CACNG2: variants seen among roughly 807,000 people sequenced by gnomAD.
CACNG2 encodes voltage-dependent calcium channel gamma-2 subunit.
CACNG2 carries 3 observed loss-of-function variants against 25.9 expected under a neutral mutation model. The observed-to-expected ratio is 0.12, with a 90% CI of 0.05 to 0.30. CACNG2 has a LOEUF of 0.30. CACNG2 is among the 10% of genes least tolerant of loss of function. The pLI is 1.00. For synonymous variants in CACNG2, 167 were observed against 173.3 expected (o/e 0.96, Z 0.29); for missense variants, 341 against 432.5 (o/e 0.79, Z 1.88).
intron 1 of CACNG2, among the ~76,000 whole-genome samples, chr22:36,658,237 A>G (rs1936737539): frequency 6.6e-6 from 1 of 152,184 alleles, no homozygotes; most frequent in African/African-American, 2.4e-5. Context: ...TAGAGGGAAA[A>G]TACCCTAGTC....
At chr22:36,635,215 C>T (rs570681411) in intron 1 of CACNG2, among the ~76,000 whole-genome samples, 8 of 149,228 alleles carry the variant, frequency 5.4e-5, no homozygotes, top group East Asian at 4.0e-4. Flanking sequence ...ACCCGGGAGG[C>T]GGAGCTTGCA....
intron 1 of CACNG2, among the ~76,000 whole-genome samples, chr22:36,591,972 C>T (rs960316472): frequency 4.6e-5 from 7 of 151,880 alleles, no homozygotes; most frequent in African/African-American, 9.7e-5. Flanking sequence ...GGAAGGGAAG[C>T]GAGAGTGGGA....
At chr22:36,697,309 A>T (rs1937353165) in intron 1 of CACNG2, among the ~76,000 whole-genome samples, 1 of 152,162 alleles carries the variant, frequency 6.6e-6, no homozygotes, top group African/African-American at 2.4e-5. Context: ...GCTTCTTGAG[A>T]TGCTCAGGTT....
intron 1 of CACNG2, among the ~76,000 whole-genome samples, chr22:36,682,208 G>A (rs1222769506): frequency 1.3e-5 from 2 of 152,202 alleles, no homozygotes; most frequent in South Asian, 4.1e-4. Flanking sequence ...GCCCTTGCAG[G>A]AGTGAAGCCA....
intron 1 of CACNG2, among the ~76,000 whole-genome samples, chr22:36,618,124 C>T (rs1936049133): frequency 6.6e-6 from 1 of 152,196 alleles, no homozygotes; most frequent in Non-Finnish European, 1.5e-5. Context: ...TTCCAGGACT[C>T]TGGGTCCAGG....
intron 2 of CACNG2, among the ~76,000 whole-genome samples, chr22:36,571,703 C>A (rs1163961256): frequency 6.6e-6 from 1 of 151,708 alleles, no homozygotes; most frequent in African/African-American, 2.4e-5. Context: ...ATGATGAAAC[C>A]TCGTCTCTAC....
intron 1 of CACNG2, among the ~76,000 whole-genome samples, chr22:36,699,653 G>A (rs1345014386): frequency 7.4e-6 from 1 of 134,432 alleles, no homozygotes; most frequent in African/African-American, 3.0e-5. Flanking sequence ...AAGGGGTGGG[G>A]GGTGGGGGGA....
chr22:36,664,174 G>GC (rs1936840287), intron 1 of CACNG2, among the ~76,000 whole-genome samples: 1 of 44 alleles, frequency 0.023, no homozygotes, highest in African/African-American at 0.25. Flanking sequence ...ATAGGGGAGA[G>GC]AACATAACTG....
At chr22:36,691,339 G>A (rs761620166) in intron 1 of CACNG2, among the ~76,000 whole-genome samples, 2 of 152,050 alleles carry the variant, frequency 1.3e-5, no homozygotes, top group South Asian at 2.1e-4. Flanking sequence ...ATTCACTTCC[G>A]CACCTTCACA....
intron 1 of CACNG2, among the ~76,000 whole-genome samples, chr22:36,669,605 T>C (rs150578690): frequency 6.6e-6 from 1 of 152,000 alleles, no homozygotes; most frequent in East Asian, 1.9e-4. Context: ...TTCTCAGTGA[T>C]TGTGTGTTTG....
intron 1 of CACNG2, among the ~76,000 whole-genome samples, chr22:36,597,884 T>C (rs1489563806): frequency 1.3e-5 from 2 of 152,220 alleles, no homozygotes; most frequent in Non-Finnish European, 2.9e-5. Flanking sequence ...AAGCACCTTT[T>C]AGCTGCTTTG....
chr22:36,639,159 C>T (rs1936404573), intron 1 of CACNG2, among the ~76,000 whole-genome samples: 1 of 152,234 alleles, frequency 6.6e-6, no homozygotes, highest in African/African-American at 2.4e-5. Flanking sequence ...CACTTCACTT[C>T]TCTGAGCTCT....
chr22:36,662,323 C>T (rs551876938), intron 1 of CACNG2, among the ~76,000 whole-genome samples: 44 of 152,206 alleles, frequency 2.9e-4, no homozygotes, highest in African/African-American at 5.3e-4. Context: ...GCGGTTACAG[C>T]GATCACATCC....
intron 1 of CACNG2, among the ~76,000 whole-genome samples, chr22:36,658,554 C>T (rs1936741221): frequency 6.6e-6 from 1 of 152,190 alleles, no homozygotes. Context: ...TATCTCAGGG[C>T]TTCTAAGTGT....
intron 1 of CACNG2, among the ~76,000 whole-genome samples, chr22:36,614,566 T>C (rs1389475506): frequency 6.6e-6 from 1 of 152,198 alleles, no homozygotes; most frequent in East Asian, 1.9e-4. Context: ...CATTGTATCC[T>C]GAGGCAGAGG....
chr22:36,568,138 G>A (rs753697313), intron 2 of CACNG2, among the ~76,000 whole-genome samples: 5 of 152,070 alleles, frequency 3.3e-5, no homozygotes, highest in African/African-American at 4.8e-5. Context: ...TTGAGCCACC[G>A]TGCCTGGCCA....
At chr22:36,617,775 G>A (rs1452999645) in intron 1 of CACNG2, among the ~76,000 whole-genome samples, 1 of 150,816 alleles carries the variant, frequency 6.6e-6, no homozygotes, top group Non-Finnish European at 1.5e-5. Context: ...TAACTTCCCT[G>A]AGCCTGTTTG....
chr22:36,658,007 C>G (rs1216509665), intron 1 of CACNG2, among the ~76,000 whole-genome samples: 4 of 152,102 alleles, frequency 2.6e-5, no homozygotes, highest in African/African-American at 9.7e-5. Flanking sequence ...AGCCTAGAGA[C>G]TTTTCACTTC....
chr22:36,654,635 G>T (rs1015090681), intron 1 of CACNG2, among the ~76,000 whole-genome samples: 1 of 152,190 alleles, frequency 6.6e-6, no homozygotes, highest in South Asian at 2.1e-4. Flanking sequence ...TCTCTTAAGA[G>T]TCAAAAGTCA....
Sources: allele counts gnomAD v4.1 joint callset (sites outside exome capture counted in the v4.1 genomes callset), GRCh38; gene constraint gnomAD v4.1.1; transcripts MANE v1.5; gene names NCBI Gene and HGNC (gene_info 2026-07-23, HGNC 2026-07-21).